Variants in RGS8 observed in about 807,000 individuals in gnomAD.
The protein encoded by RGS8 is regulator of G-protein signaling 8.
Under a neutral mutation model 21.7 loss-of-function variants are expected in RGS8, and 8 were observed. The observed-to-expected ratio is 0.37, with a 90% confidence interval of 0.22 to 0.66. RGS8 has a LOEUF of 0.66. Ranked by LOEUF, RGS8 falls within the 30% of genes least tolerant of loss-of-function variation. The pLI, the probability that RGS8 is intolerant of heterozygous loss-of-function variation, is 0.59. For missense variants in RGS8, 157 were observed against 217.9 expected, an observed-to-expected ratio of 0.72 and a Z score of 1.76; for synonymous variants, 80 against 83.6, an observed-to-expected ratio of 0.96 and a Z score of 0.24.
chr1:182,729,163 T>A, the RGS8 span, among the ~76,000 whole-genome samples: 3 of 152,242 alleles, frequency 2.0e-5, no homozygotes, highest in Non-Finnish European at 4.4e-5. Flanking sequence ...GTTGATTGTA[T>A]TAGAGATATT....
At chr1:182,692,025 A>G in the RGS8 span, among the ~76,000 whole-genome samples, 1 of 139,268 alleles carries the variant, frequency 7.2e-6, no homozygotes, top group Admixed American at 7.3e-5. Flanking sequence ...TTTTTTTTTG[A>G]GATAGAGTCT....
chr1:182,673,171 A>T (rs1336159141), upstream of RGS8, among the ~76,000 whole-genome samples: 1 of 152,280 alleles, frequency 6.6e-6, no homozygotes, highest in Non-Finnish European at 1.5e-5. Context: ...CGTTTCTGAA[A>T]CCCAGAAGGC....
chr1:182,651,125 A>G (rs1463541583), intron 5 of RGS8, among the ~76,000 whole-genome samples: 1 of 152,226 alleles, frequency 6.6e-6, no homozygotes, highest in Non-Finnish European at 1.5e-5. Context: ...CTGAAAATCA[A>G]AATGAAACAA....
At chr1:182,682,208 A>C (rs1664556880) in intron 1 of RGS8, among the ~76,000 whole-genome samples, 1 of 152,240 alleles carries the variant, frequency 6.6e-6, no homozygotes, top group Non-Finnish European at 1.5e-5. Flanking sequence ...GTGCTATACA[A>C]ATGTGAGTTT....
the RGS8 span, among the ~76,000 whole-genome samples, chr1:182,724,944 T>C: frequency 6.6e-6 from 1 of 152,320 alleles, no homozygotes; most frequent in East Asian, 1.9e-4. Context: ...AGTGGACATA[T>C]CTGGTCTCAA....
chr1:182,667,070 C>T, intron 3 of RGS8, 97 bp from the exon 5 acceptor site: 2 of 930,570 alleles, frequency 2.1e-6, no homozygotes, highest in East Asian at 2.4e-5. Context: ...CGGGAGCCAG[C>T]ACTGCCCCCA....
intron 2 of RGS8, 78 bp downstream of exon 3, chr1:182,671,579 G>T: frequency 1.6e-6 from 2 of 1,289,800 alleles, no homozygotes; most frequent in Non-Finnish European, 2.2e-6. Context: ...GAAGAGGCAA[G>T]TTAATTAAAT....
At chr1:182,674,410 C>T (rs780649651), upstream of RGS8, among the ~76,000 whole-genome samples, 3 of 151,956 alleles carry the variant, frequency 2.0e-5, no homozygotes, top group Middle Eastern at 3.2e-3. Flanking sequence ...AGCAGAGGGA[C>T]AAAAGTGTGT....
At chr1:182,688,276 T>C (rs1571363758), upstream of RGS8, among the ~76,000 whole-genome samples, 2 of 152,236 alleles carry the variant, frequency 1.3e-5, no homozygotes, top group East Asian at 3.8e-4. Context: ...AGGCTATAAC[T>C]AATTCATCTT....
At chr1:182,690,325 T>G in the RGS8 span, among the ~76,000 whole-genome samples, 1 of 152,230 alleles carries the variant, frequency 6.6e-6, no homozygotes, top group Non-Finnish European at 1.5e-5. Flanking sequence ...TTCTTGTCTG[T>G]GTCACCTGGC....
the RGS8 span, among the ~76,000 whole-genome samples, chr1:182,747,664 G>T: frequency 6.6e-6 from 1 of 152,090 alleles, no homozygotes; most frequent in Non-Finnish European, 1.5e-5. Context: ...GGCATCAAGC[G>T]GTTCCCTTCC....
the RGS8 span, among the ~76,000 whole-genome samples, chr1:182,720,995 G>A: frequency 1.3e-3 from 127 of 98,356 alleles, 4 homozygotes; most frequent in African/African-American, 1.7e-3. Flanking sequence ...ACATATATAT[G>A]TGTGTATATA....
chr1:182,678,840 A>C (rs1004717851), intron 1 of RGS8, among the ~76,000 whole-genome samples: 1 of 152,100 alleles, frequency 6.6e-6, no homozygotes, highest in African/African-American at 2.4e-5. Flanking sequence ...GGAGAGAGAG[A>C]GCTTATGCAA....
At chr1:182,660,350 A>G (rs905800909) in intron 5 of RGS8, among the ~76,000 whole-genome samples, 1 of 152,186 alleles carries the variant, frequency 6.6e-6, no homozygotes, top group African/African-American at 2.4e-5. Flanking sequence ...CTTTCTCAAC[A>G]GGCTTTTAAT....
chr1:182,656,422 G>T (rs150467522), intron 5 of RGS8, among the ~76,000 whole-genome samples: 170 of 152,268 alleles, frequency 1.1e-3, no homozygotes, highest in Non-Finnish European at 1.2e-3. Context: ...AGGCCGTTAG[G>T]TGCCACCAAT....
chr1:182,648,302 A>G (rs145595315), exon 6 of RGS8: 1 of 1,612,726 alleles, frequency 6.2e-7, no homozygotes, highest in Non-Finnish European at 8.5e-7. Flanking sequence ...CAGCCACCCC[A>G]TCTGCGGATG....
At chr1:182,674,173 C>A (rs1258713824), upstream of RGS8, among the ~76,000 whole-genome samples, 1 of 152,200 alleles carries the variant, frequency 6.6e-6, no homozygotes, top group African/African-American at 2.4e-5. Flanking sequence ...TCCTCCAAAT[C>A]TCACGCTGCC....
chr1:182,657,546 C>T (rs1228924024), intron 5 of RGS8, among the ~76,000 whole-genome samples: 2 of 152,094 alleles, frequency 1.3e-5, no homozygotes, highest in African/African-American at 2.4e-5. Context: ...AGTCCCCCCG[C>T]CCCAGTTTCC....
chr1:182,689,947 G>C, the RGS8 span, among the ~76,000 whole-genome samples: 2 of 152,272 alleles, frequency 1.3e-5, no homozygotes, highest in South Asian at 2.1e-4. Flanking sequence ...TTCTTGGCCT[G>C]ATCAACCTGT....
Sources: gnomAD v4.1 joint callset for allele counts (sites outside exome capture counted in the v4.1 genomes callset) on GRCh38, gnomAD v4.1.1 for gene constraint, MANE v1.5 for transcripts, NCBI Gene and HGNC (gene_info 2026-07-23, HGNC 2026-07-21) for gene names.